The following PTPRD variants were observed in gnomAD, a reference collection of about 807,000 sequenced individuals.
PTPRD encodes the protein protein tyrosine phosphatase receptor type D.
In PTPRD, 34 loss-of-function variants were observed where a neutral mutation model predicts 214.5. The ratio of observed to expected loss-of-function variants is 0.16; its 90% CI spans 0.12 to 0.21. The LOEUF (loss-of-function observed/expected upper bound fraction) is 0.21, where lower values mean the gene tolerates loss of function less well. Among genes scored for constraint, PTPRD ranks in the 10% least tolerant of loss-of-function variants. PTPRD has a pLI of 1.00. For missense variants in PTPRD, 2,545 were observed against 2,398.7 expected (o/e 1.06, Z -1.27); for synonymous variants, 1,128 against 845.7 (o/e 1.33, Z -5.79).
rs148966190 is a variant in PTPRD at position 9,223,537 on chromosome 9, A to T, written c.-202-40174T>A. ...TACCATTGTAAAATAAACTAGGTATATTCTGATGAAACAGCCTATGCCTAA... is the reference window on the plus strand; with the variant it reads ...TACCATTGTAAAATAAACTAGGTATTTTCTGATGAAACAGCCTATGCCTAA... On this transcript the variant is annotated intron_variant, in intron 9 of 45. Transcript: ENST00000381196. Among the ~76,000 whole-genome samples, 201 of 152,138 alleles carry T rather than the reference A, an allele frequency of 1.3e-3. 1 individual carries two copies. The highest frequency in any genetic ancestry group is 1.3e-3 in the Admixed American group (20 of 15,250).
intron 10 of PTPRD, among the ~76,000 whole-genome samples, chr9:9,152,043 A>G (rs2099877251): frequency 6.6e-6 from 1 of 152,254 alleles, no homozygotes. Context: ...CTCTGTAAAA[A>G]GAAATAAACT....
chr9:9,148,510 A>G (rs62529504), intron 10 of PTPRD, among the ~76,000 whole-genome samples: 9,285 of 152,290 alleles, frequency 0.061, 388 homozygotes, highest in Admixed American at 0.098. Flanking sequence ...CATACGTGTC[A>G]TGAACACCAA....
At chr9:10,156,116 G>GTGTGTGTGTGTGTT (rs2099091470) in intron 3 of PTPRD, among the ~76,000 whole-genome samples, 2 of 147,308 alleles carry the variant, frequency 1.4e-5, no homozygotes, top group Admixed American at 6.8e-5. Flanking sequence ...GTGTGTGTGT[G>GTGTGTGTGTGTGTT]TGTGTGTGCC....
chr9:8,762,983 G>A (rs1027098596), intron 11 of PTPRD, among the ~76,000 whole-genome samples: 1 of 152,074 alleles, frequency 6.6e-6, no homozygotes, highest in Non-Finnish European at 1.5e-5. Flanking sequence ...CATTCTTCAG[G>A]CTATCCAATG....
chr9:8,889,407 G>T (rs1232711608), intron 11 of PTPRD, among the ~76,000 whole-genome samples: 1 of 152,102 alleles, frequency 6.6e-6, no homozygotes, highest in Non-Finnish European at 1.5e-5. Context: ...AATGAATAAT[G>T]AGCAAATCAT....
At chr9:10,363,507 A>C (rs1302056941) in intron 2 of PTPRD, among the ~76,000 whole-genome samples, 1 of 152,214 alleles carries the variant, frequency 6.6e-6, no homozygotes, top group Admixed American at 6.5e-5. Context: ...TAAATTCTTC[A>C]AGCTCCACTT....
At chr9:9,464,605 C>A (rs1589130976) in intron 8 of PTPRD, among the ~76,000 whole-genome samples, 1 of 152,012 alleles carries the variant, frequency 6.6e-6, no homozygotes, top group Admixed American at 6.6e-5. Context: ...TCTGTTATTC[C>A]TGCTTGGTTT....
intron 7 of PTPRD, among the ~76,000 whole-genome samples, chr9:9,639,446 C>G (rs2095868207): frequency 6.6e-6 from 1 of 152,166 alleles, no homozygotes; most frequent in South Asian, 2.1e-4. Context: ...GCTTCTGTTT[C>G]TCAAAAGGCA....
intron 3 of PTPRD, among the ~76,000 whole-genome samples, chr9:10,089,420 A>T (rs1019643954): frequency 3.3e-5 from 5 of 151,608 alleles, no homozygotes; most frequent in Non-Finnish European, 5.9e-5. Context: ...GCATGTAAAA[A>T]AATGTTCTGA....
intron 11 of PTPRD, among the ~76,000 whole-genome samples, chr9:8,764,593 C>T (rs186720366): frequency 5.3e-4 from 81 of 152,046 alleles, no homozygotes; most frequent in African/African-American, 1.9e-3. Context: ...GTCAGGAGTT[C>T]AAGACTAGCC....
chr9:8,331,555 C>CTGCTT, intron 44 of PTPRD, 27 bp downstream of exon 44: 10 of 940,760 alleles, frequency 1.1e-5, no homozygotes, highest in Non-Finnish European at 1.4e-5. Context: ...CCACTTATCA[C>CTGCTT]TGCTTTATTC....
chr9:10,567,271 T>A (rs1591089128), intron 2 of PTPRD, among the ~76,000 whole-genome samples: 1 of 151,988 alleles, frequency 6.6e-6, no homozygotes, highest in Non-Finnish European at 1.5e-5. Flanking sequence ...GGTCACAAAA[T>A]GAAAATGAAA....
chr9:9,826,952 T>C (rs1449949919), intron 5 of PTPRD, among the ~76,000 whole-genome samples: 2 of 152,096 alleles, frequency 1.3e-5, no homozygotes, highest in African/African-American at 4.8e-5. Flanking sequence ...ACAAGGGATG[T>C]GAAGGACCTC....
intron 5 of PTPRD, among the ~76,000 whole-genome samples, chr9:9,838,387 A>G (rs888380983): frequency 3.9e-5 from 6 of 152,000 alleles, no homozygotes; most frequent in South Asian, 2.1e-4. Context: ...TCCCACCAAC[A>G]GTGTAAAAGT....
At chr9:9,682,327 C>G (rs2097091135) in intron 7 of PTPRD, among the ~76,000 whole-genome samples, 2 of 151,742 alleles carry the variant, frequency 1.3e-5, no homozygotes, top group African/African-American at 4.8e-5. Context: ...CAAAGATACA[C>G]TATATTTTTT....
At chr9:9,558,551 G>C (rs1011581657) in intron 8 of PTPRD, among the ~76,000 whole-genome samples, 1 of 152,072 alleles carries the variant, frequency 6.6e-6, no homozygotes, top group African/African-American at 2.4e-5. Context: ...CATACAACTG[G>C]GAATGCAGGT....
chr9:9,140,040 G>GA (rs1181999569), intron 10 of PTPRD, among the ~76,000 whole-genome samples: 1 of 151,600 alleles, frequency 6.6e-6, no homozygotes. Flanking sequence ...TATTTTGTTT[G>GA]AAAAAAGATT....
At chr9:9,633,907 T>C (rs994546512) in intron 7 of PTPRD, among the ~76,000 whole-genome samples, 6 of 152,190 alleles carry the variant, frequency 3.9e-5, no homozygotes, top group Non-Finnish European at 7.4e-5. Flanking sequence ...AAACCACCTG[T>C]ATGTAAATCA....
At chr9:10,406,792 T>A (rs994859206) in intron 2 of PTPRD, among the ~76,000 whole-genome samples, 3 of 137,158 alleles carry the variant, frequency 2.2e-5, no homozygotes, top group Admixed American at 7.5e-5. Flanking sequence ...GAAAAATAGA[T>A]GTAAAAAGAT....
Sources: allele counts gnomAD v4.1 joint callset (sites outside exome capture counted in the v4.1 genomes callset), GRCh38; gene constraint gnomAD v4.1.1; transcripts MANE v1.5; gene names NCBI Gene and HGNC (gene_info 2026-07-23, HGNC 2026-07-21).